TENM1: variants seen among roughly 807,000 people sequenced by gnomAD.
TENM1 encodes the protein teneurin transmembrane protein 1.
Under a neutral mutation model 174.8 loss-of-function variants are expected in TENM1, and 35 were observed. The ratio of observed to expected loss-of-function variants is 0.20; its 90% CI spans 0.15 to 0.27. TENM1 has a LOEUF of 0.27. Ranked by LOEUF, TENM1 falls within the 10% of genes least tolerant of loss-of-function variation. The probability of loss-of-function intolerance (pLI) is 1.00; values close to 1 mark genes in which losing one functional copy is unlikely to be tolerated. For missense variants in TENM1, 1,633 were observed against 2,130.1 expected, an observed-to-expected ratio of 0.77 and a Z score of 4.59; for synonymous variants, 781 against 798.7, an observed-to-expected ratio of 0.98 and a Z score of 0.37.
the TENM1 span, among the ~76,000 whole-genome samples, chrX:125,022,041 C>T: frequency 8.9e-6 from 1 of 112,404 alleles, no homozygotes; most frequent in African/African-American, 3.2e-5. Flanking sequence ...ACAATCCATT[C>T]ATTCAGCAAA....
At chrX:124,626,024 T>G (rs1002145188) in intron 11 of TENM1, among the ~76,000 whole-genome samples, 1 of 111,306 alleles carries the variant, frequency 9.0e-6, no homozygotes, top group African/African-American at 3.3e-5. Context: ...ATATACAATT[T>G]TTTACTTGTC....
intron 3 of TENM1, among the ~76,000 whole-genome samples, chrX:124,843,484 CT>C (rs1482061040): frequency 1.2e-4 from 13 of 111,158 alleles, no homozygotes; most frequent in Admixed American, 1.1e-3. Context: ...GCCTCCCCCC[CT>C]CCCTACTCCT....
At chrX:125,159,693 A>T in the TENM1 span, among the ~76,000 whole-genome samples, 1 of 112,166 alleles carries the variant, frequency 8.9e-6, no homozygotes, top group South Asian at 3.7e-4. Context: ...TTAAATAAGA[A>T]CATTTTTTGT....
intron 13 of TENM1, among the ~76,000 whole-genome samples, chrX:124,562,649 AG>A (rs966058543): frequency 2.7e-5 from 3 of 112,796 alleles, no homozygotes; most frequent in Admixed American, 1.9e-4. Context: ...TAAATTTCTC[AG>A]GGATGCCCTA....
At chrX:124,913,615 C>T (rs761272077) in intron 1 of TENM1, among the ~76,000 whole-genome samples, 2 of 111,870 alleles carry the variant, frequency 1.8e-5, no homozygotes, top group African/African-American at 6.5e-5. Context: ...TTATGTAACA[C>T]AAGAGACTGG....
At chrX:124,391,780 A>G (rs985871806) in intron 28 of TENM1, among the ~76,000 whole-genome samples, 2 of 112,182 alleles carry the variant, frequency 1.8e-5, no homozygotes, top group African/African-American at 6.5e-5. Flanking sequence ...TTTCAAAAGC[A>G]TGAACAAAGA....
chrX:124,692,036 T>C (rs189162211), intron 5 of TENM1, among the ~76,000 whole-genome samples: 123 of 112,337 alleles, frequency 1.1e-3, no homozygotes, highest in Middle Eastern at 4.6e-3. Context: ...TTCACCATGA[T>C]CTGGTAATGA....
chrX:124,993,847 C>T, the TENM1 span, among the ~76,000 whole-genome samples: 2 of 110,784 alleles, frequency 1.8e-5, no homozygotes, highest in Admixed American at 1.9e-4. Flanking sequence ...CACACACACA[C>T]AAATACACAC....
chrX:125,003,590 C>T, the TENM1 span, among the ~76,000 whole-genome samples: 4 of 111,222 alleles, frequency 3.6e-5, no homozygotes, highest in East Asian at 1.1e-3. Flanking sequence ...TGCTTTATAA[C>T]TTTTAGAAGC....
chrX:124,471,351 T>TACTATA (rs2061316934), intron 22 of TENM1, among the ~76,000 whole-genome samples: 1 of 10,100 alleles, frequency 9.9e-5, no homozygotes, highest in Non-Finnish European at 1.8e-4. Flanking sequence ...ATAATATATA[T>TACTATA]TATAATATAT....
intron 4 of TENM1, among the ~76,000 whole-genome samples, chrX:124,708,848 A>G (rs780802195): frequency 6.2e-4 from 69 of 111,810 alleles, no homozygotes; most frequent in African/African-American, 2.0e-3. Flanking sequence ...ATAAAAAAAA[A>G]GATTCATGAG....
chrX:124,712,484 CTTTTTT>C (rs1028462524), intron 4 of TENM1, among the ~76,000 whole-genome samples: 7 of 109,776 alleles, frequency 6.4e-5, no homozygotes, highest in Admixed American at 4.9e-4. Context: ...TTTTCTTTTT[CTTTTTT>C]GTTTTTTTGG....
chrX:124,917,374 C>T (rs1222833496), intron 1 of TENM1, among the ~76,000 whole-genome samples: 1 of 111,731 alleles, frequency 9.0e-6, no homozygotes, highest in African/African-American at 3.3e-5. Flanking sequence ...CATTCACTGT[C>T]GGAGTTCTGA....
chrX:124,988,087 G>A, the TENM1 span, among the ~76,000 whole-genome samples: 6 of 111,335 alleles, frequency 5.4e-5, no homozygotes, highest in African/African-American at 1.6e-4. Context: ...GTAGTAATTC[G>A]GGAAAGACAG....
At chrX:124,835,288 G>T (rs1168005753) in intron 3 of TENM1, among the ~76,000 whole-genome samples, 2 of 111,749 alleles carry the variant, frequency 1.8e-5, no homozygotes, top group African/African-American at 6.5e-5. Context: ...AAAATTAAGG[G>T]ATAGAGATGA....
chrX:124,994,773 C>T, the TENM1 span, among the ~76,000 whole-genome samples: 2 of 111,174 alleles, frequency 1.8e-5, no homozygotes, highest in African/African-American at 6.5e-5. Flanking sequence ...TCCTGAATGA[C>T]TGCCACAGTC....
the TENM1 span, among the ~76,000 whole-genome samples, chrX:125,038,144 CTA>C: frequency 9.0e-6 from 1 of 111,279 alleles, no homozygotes; most frequent in Non-Finnish European, 1.9e-5. Context: ...CTTCTCATCA[CTA>C]TATATGTTTT....
At chrX:124,877,365 G>C (rs957961430) in intron 3 of TENM1, among the ~76,000 whole-genome samples, 1 of 111,826 alleles carries the variant, frequency 8.9e-6, no homozygotes, top group South Asian at 3.7e-4. Flanking sequence ...TTCAACCCCT[G>C]ACTTGAAAGA....
intron 3 of TENM1, among the ~76,000 whole-genome samples, chrX:124,774,274 T>C (rs1342598847): frequency 9.0e-6 from 1 of 111,706 alleles, no homozygotes. Flanking sequence ...GAAAGTTCAA[T>C]AGCAAATGAG....
Sources: allele counts gnomAD v4.1 joint callset (sites outside exome capture counted in the v4.1 genomes callset), GRCh38; gene constraint gnomAD v4.1.1; transcripts MANE v1.5; gene names NCBI Gene and HGNC (gene_info 2026-07-23, HGNC 2026-07-21).